Variants in IPO7 observed in about 807,000 individuals in gnomAD.
The protein encoded by IPO7 is importin-7.
Under a neutral mutation model 136.4 loss-of-function variants are expected in IPO7, and 13 were observed. The observed-to-expected ratio is 0.10, with a 90% CI of 0.06 to 0.15. The LOEUF (loss-of-function observed/expected upper bound fraction) is 0.15, where lower values mean the gene tolerates loss of function less well. Ranked by LOEUF, IPO7 falls within the 10% of genes least tolerant of loss-of-function variation. The pLI is 1.00. For synonymous variants in IPO7, 403 were observed against 404.4 expected, an observed-to-expected ratio of 1.00 and a Z score of 0.04; for missense variants, 857 against 1,240.6, an observed-to-expected ratio of 0.69 and a Z score of 4.65.
At chr11:9,410,384 A>C (rs1323791028) in intron 4 of IPO7, among the ~76,000 whole-genome samples, 1 of 152,168 alleles carries the variant, frequency 6.6e-6, no homozygotes, top group Non-Finnish European at 1.5e-5. Flanking sequence ...AAAGTCCTTC[A>C]GGTAAGTTTT....
At chr11:9,402,243 T>C (rs1445261090) in intron 1 of IPO7, among the ~76,000 whole-genome samples, 1 of 146,304 alleles carries the variant, frequency 6.8e-6, no homozygotes, top group African/African-American at 2.5e-5. Context: ...CTATTAAAAA[T>C]ACAAAAATTA....
At chr11:9,434,002 C>CA (rs1855336376) in intron 18 of IPO7, among the ~76,000 whole-genome samples, 156 bp downstream of exon 18, 2 of 151,186 alleles carry the variant, frequency 1.3e-5, no homozygotes, top group South Asian at 4.2e-4. Context: ...CAGCTCATCG[C>CA]AACCTATGCC....
At chr11:9,431,053 TAG>T in intron 16 of IPO7, 50 bp downstream of exon 16, 5 of 1,500,474 alleles carry the variant, frequency 3.3e-6, no homozygotes, top group Non-Finnish European at 4.6e-6. Context: ...TTATGCTTTT[TAG>T]AGGGCTCTAA....
intron 1 of IPO7, among the ~76,000 whole-genome samples, chr11:9,389,925 T>A (rs980359815): frequency 6.6e-6 from 1 of 152,136 alleles, no homozygotes; most frequent in African/African-American, 2.4e-5. Context: ...CACGGCTAAT[T>A]TTTGTGTTTT....
At chr11:9,435,492 A>T (rs1287433404) in intron 19 of IPO7, among the ~76,000 whole-genome samples, 1 of 152,196 alleles carries the variant, frequency 6.6e-6, no homozygotes, top group African/African-American at 2.4e-5. Flanking sequence ...GAAGCATTTT[A>T]ATTTCTAGCA....
intron 2 of IPO7, 77 bp from the exon 3 acceptor site, chr11:9,408,409 T>C: frequency 1.2e-6 from 1 of 834,006 alleles, no homozygotes; most frequent in Non-Finnish European, 1.7e-6. Context: ...AAGAAATACT[T>C]GAGGTATGGA....
chr11:9,407,990 G>A (rs141510617), intron 2 of IPO7, among the ~76,000 whole-genome samples: 9 of 152,270 alleles, frequency 5.9e-5, no homozygotes, highest in Non-Finnish European at 1.3e-4. Context: ...AACATAATTT[G>A]AATTTGAAGT....
In IPO7 at chr11:9,437,881, A is replaced by C; in HGVS notation, c.2396A>C (p.Asn799Thr). ...TATTATAATCCACACCTACTACTCA[A>C]TACCTTAGAAAATCTTCGCTTCCCT... ...ALYYNPHLLLNTLENLRFPNN... is the reference protein window; with the variant it reads ...ALYYNPHLLLTTLENLRFPNN... Residue 799 changes from asparagine (N) to threonine (T), a missense_variant, in exon 21 of 25, where the codon AAT becomes ACT. Physicochemically the swap from Asn to Thr is moderately conservative, Grantham distance 65. This residue lies in a region of IPO7 where 190 missense variants were observed against 249.0 expected (regional missense o/e 0.76). Transcript: ENST00000379719. 1 of 1,613,690 alleles carries C rather than the reference A, an allele frequency of 6.2e-7. No individual in the cohort carries two copies. Among genetic ancestry groups the C allele is most frequent in the Non-Finnish European group, 8.5e-7 (1 of 1,179,688 alleles).
intron 6 of IPO7, 46 bp from the exon 7 acceptor site, chr11:9,420,365 T>C (rs2133747692): frequency 8.2e-7 from 1 of 1,221,976 alleles, no homozygotes; most frequent in Non-Finnish European, 1.2e-6. Flanking sequence ...ATGCTGTTCC[T>C]CCTATATTGT....
chr11:9,434,306 T>C (rs1405660758), intron 18 of IPO7, among the ~76,000 whole-genome samples: 2 of 152,154 alleles, frequency 1.3e-5, no homozygotes, highest in African/African-American at 4.8e-5. Context: ...TGGTGATGCA[T>C]GATATTGATT....
At chr11:9,440,948 C>T (rs905139254) in intron 23 of IPO7, among the ~76,000 whole-genome samples, 1 of 152,152 alleles carries the variant, frequency 6.6e-6, no homozygotes, top group Non-Finnish European at 1.5e-5. Flanking sequence ...CCCAATCTCC[C>T]AGCTTTCCTC....
In IPO7 at chr11:9,433,830, C is replaced by G. The variant is rs1855332884; in HGVS notation, c.2058C>G (p.Gly686=). 6.2e-7 allele frequency: 1 copy of G among 1,610,610 alleles called. No individual in the cohort carries two copies. The highest frequency in any genetic ancestry group is 8.5e-7 in the Non-Finnish European group (1 of 1,179,770). Residue 686 remains glycine, a synonymous_variant, in exon 18 of 25, where the codon GGC becomes GGG. Coordinates refer to ENST00000379719, the MANE Select transcript of IPO7 (RefSeq NM_006391.3). Reference sequence around the variant, plus strand: ...TATTTGAAGTCTTTCAGCAAGATGGCTTTGATTACTTTACAGGTGAGTCAA... The same window carrying G: ...TATTTGAAGTCTTTCAGCAAGATGGGTTTGATTACTTTACAGGTGAGTCAA... ...PLVFEVFQQD[G]FDYFTDMMPL...
At chr11:9,427,426 A>G (rs1855227650) in intron 12 of IPO7, among the ~76,000 whole-genome samples, 1 of 151,626 alleles carries the variant, frequency 6.6e-6, no homozygotes, top group Non-Finnish European at 1.5e-5. Flanking sequence ...ACACCAGCTA[A>G]TTTTTGTATT....
chr11:9,444,831 T>G (rs973209809), intron 24 of IPO7, among the ~76,000 whole-genome samples: 4 of 140,986 alleles, frequency 2.8e-5, no homozygotes, highest in Non-Finnish European at 6.1e-5. Flanking sequence ...AGCCAGACTC[T>G]GTCTCAAAAA....
In IPO7 at chr11:9,410,028, A is replaced by G; in HGVS notation, c.421A>G (p.Asn141Asp). 6.2e-7 allele frequency: 1 copy of G among 1,605,210 alleles called. No homozygotes were observed. The highest frequency in any genetic ancestry group is 8.5e-7 in the Non-Finnish European group (1 of 1,176,808). ...DKIGFYLQSD[N>D]SACWLGILLC... Reference sequence around the variant, plus strand: ...AATTGGCTTTTATCTTCAGTCCGATAACAGTGCTTGTTGGCTAGGAATTCT... The same window carrying G: ...AATTGGCTTTTATCTTCAGTCCGATGACAGTGCTTGTTGGCTAGGAATTCT... Residue 141 changes from asparagine to aspartate, a missense_variant, in exon 4 of 25, where the codon AAC becomes GAC. Asn to Asp is a conservative substitution (Grantham distance 23). Coordinates refer to ENST00000379719, the MANE Select transcript of IPO7 (RefSeq NM_006391.3).
chr11:9,439,634 A>G (rs910046527), intron 22 of IPO7, among the ~76,000 whole-genome samples: 29 of 151,238 alleles, frequency 1.9e-4, no homozygotes, highest in African/African-American at 6.8e-4. Context: ...CTGGAGTGCA[A>G]TGGCAATCTT....
intron 10 of IPO7, among the ~76,000 whole-genome samples, chr11:9,424,441 A>G (rs1020365468): frequency 2.0e-5 from 3 of 152,172 alleles, no homozygotes; most frequent in African/African-American, 7.2e-5. Flanking sequence ...GAATTCATGG[A>G]TTAACATTTA....
chr11:9,443,980 A>G (rs1030101299), intron 24 of IPO7, among the ~76,000 whole-genome samples: 1 of 151,772 alleles, frequency 6.6e-6, no homozygotes, highest in Non-Finnish European at 1.5e-5. Context: ...GCAATTTTTA[A>G]AAGTACATTT....
chr11:9,432,601 AT>A (rs1565002648), intron 16 of IPO7, among the ~76,000 whole-genome samples: 1 of 152,152 alleles, frequency 6.6e-6, no homozygotes, highest in African/African-American at 2.4e-5. Context: ...TGTTTATTCT[AT>A]TTTAGGAATT....
Sources: allele counts gnomAD v4.1 joint callset (sites outside exome capture counted in the v4.1 genomes callset), GRCh38; gene constraint gnomAD v4.1.1; regional missense constraint gnomAD v4.1.1; transcripts MANE v1.5; gene names NCBI Gene and HGNC (gene_info 2026-07-23, HGNC 2026-07-21).